Variants in ZSCAN1 observed in about 807,000 individuals in gnomAD.
ZSCAN1 encodes zinc finger and SCAN domain containing 1, also known as zinc finger and SCAN domain-containing protein 1.
A neutral mutation model predicts 23.8 loss-of-function variants in ZSCAN1; 23 were observed. The ratio of observed to expected loss-of-function variants is 0.97; its 90% CI spans 0.70 to 1.37. The LOEUF (loss-of-function observed/expected upper bound fraction) is 1.37. Among genes scored for constraint, ZSCAN1 ranks in the 40% most tolerant of loss-of-function variants. The pLI is 0.00. For missense variants in ZSCAN1, 575 were observed against 554.0 expected, an observed-to-expected ratio of 1.04 and a Z score of -0.38; for synonymous variants, 236 against 232.3, an observed-to-expected ratio of 1.02 and a Z score of -0.15.
chr19:58,041,920 C>A (rs1422857871), intron 4 of ZSCAN1, among the ~76,000 whole-genome samples: 1 of 152,080 alleles, frequency 6.6e-6, no homozygotes. Flanking sequence ...CATGTAATCC[C>A]AGCACTTTGG....
At chr19:58,050,563 C>T (rs1394896622) in intron 4 of ZSCAN1, among the ~76,000 whole-genome samples, 2 of 152,004 alleles carry the variant, frequency 1.3e-5, no homozygotes, top group Admixed American at 1.3e-4. Context: ...GCTCTGTCGC[C>T]AGGCTGCAGT....
intron 4 of ZSCAN1, among the ~76,000 whole-genome samples, chr19:58,042,200 G>C (rs1003045301): frequency 1.3e-5 from 2 of 150,680 alleles, no homozygotes; most frequent in African/African-American, 4.8e-5. Context: ...GCTTCTAAGA[G>C]AAGTTACTAT....
Position 58,040,353 on chromosome 19 carries a change from G to A in ZSCAN1, c.371-97G>A. The A allele has an allele frequency of 7.8e-7, 1 of 1,289,242 alleles. No individual in the cohort carries two copies. The highest frequency in any genetic ancestry group is 1.3e-5 in the South Asian group (1 of 79,928). The allele number at this position is 1,289,242 out of a possible 1,614,324, so 79.9% of individuals were successfully genotyped here. On this transcript the variant is annotated intron_variant, in intron 3 of 5. Transcript: ENST00000282326. The surrounding 1 kb of genome is among the most constrained non-coding windows in gnomAD (Gnocchi z 5.8). ...TTGCCTGCGCCTCAGGGGTGCTGCA[G>A]GGATGTTCGGGGAAAGTCTGCCCTC...
intron 4 of ZSCAN1, chr19:58,046,621 C>T: frequency 1.2e-6 from 1 of 844,140 alleles, no homozygotes; most frequent in Non-Finnish European, 2.1e-6. Context: ...CAACGTCGAC[C>T]ACCTCATCAA....
intron 4 of ZSCAN1, among the ~76,000 whole-genome samples, chr19:58,041,059 G>A (rs577249478): frequency 2.2e-4 from 34 of 152,226 alleles, no homozygotes; most frequent in Admixed American, 2.2e-3. Flanking sequence ...GTGGGGACAC[G>A]CAGACACATG....
intron 4 of ZSCAN1, among the ~76,000 whole-genome samples, chr19:58,048,363 T>C (rs1482845739): frequency 1.3e-5 from 2 of 152,284 alleles, no homozygotes; most frequent in Non-Finnish European, 2.9e-5. Context: ...GTGTAAATGA[T>C]GTGGTTTGAG....
rs1207629543 is a variant in ZSCAN1 at position 58,037,978 on chromosome 19, G to A, written c.142G>A (p.Val48Met). The change falls in exon 3 of 6, where the codon GTG becomes ATG. Residue 48 changes from valine (V) to methionine (M), a missense_variant. Physicochemically the swap from Val to Met is conservative, Grantham distance 21. Coordinates refer to ENST00000282326, the MANE Select transcript of ZSCAN1 (RefSeq NM_182572.4). ...RLRFRQFQYH[V>M]ASGPHLALGQ... ...GCGCTTCCGGCAGTTCCAGTACCAC[G>A]TGGCGAGCGGGCCGCACCTCGCGCT... is the stretch of plus-strand genomic sequence containing the variant. 5 of 1,607,158 alleles carry A rather than the reference G, an allele frequency of 3.1e-6. No homozygotes were observed. In the South Asian group the frequency reaches 3.3e-5, roughly 11 times the overall value.
In ZSCAN1 at chr19:58,037,767, C is replaced by T; in HGVS notation, c.-70C>T. On this transcript the variant is annotated 5_prime_UTR_variant, in exon 3 of 6. Coordinates refer to ENST00000282326, the MANE Select transcript of ZSCAN1 (RefSeq NM_182572.4). ...ATTCTGTCCGCCTGCCACACCGGCTCTGTCCGGAGCCACTGGGACTCGGGA... is the reference window on the plus strand; with the variant it reads ...ATTCTGTCCGCCTGCCACACCGGCTTTGTCCGGAGCCACTGGGACTCGGGA... 1 of 1,428,606 alleles carries T rather than the reference C, an allele frequency of 7.0e-7. No individual in the cohort carries two copies. The highest frequency in any genetic ancestry group is 2.6e-4 in the Middle Eastern group (1 of 3,876). 88.5% of individuals were successfully genotyped at this position (1,428,606 alleles called of 1,614,324 possible).
At chr19:58,038,306 C>T in intron 3 of ZSCAN1, 100 bp downstream of exon 3, 3 of 1,447,716 alleles carry the variant, frequency 2.1e-6, no homozygotes, top group Non-Finnish European at 1.8e-6. Flanking sequence ...CCCACCCCTG[C>T]CCGGCCCCTC....
intron 2 of ZSCAN1, among the ~76,000 whole-genome samples, chr19:58,037,485 T>A (rs1315922523): frequency 2.7e-4 from 2 of 7,274 alleles, no homozygotes; most frequent in Non-Finnish European, 5.1e-4. Context: ...GGAGCTGGGG[T>A]GGGAAGGGGA....
At position 58,054,123 on chromosome 19, in the gene ZSCAN1, G is replaced by A. The variant is rs559377872; in HGVS notation, c.*72G>A. ...GAGCTGATGGGCCCCAGAAGATGGG[G>A]GACATCCCCCAGCCCCACCAACCCC... On this transcript the variant is annotated 3_prime_UTR_variant, in exon 6 of 6. Transcript: ENST00000282326. This position sits in a 1 kb window ranked among gnomAD's most constrained non-coding sequence, Gnocchi z 4.2. 10 of 1,431,664 alleles carry A rather than the reference G, an allele frequency of 7.0e-6. No homozygotes were observed. In the African/African-American group the frequency reaches 1.1e-4, roughly 16 times the overall value. 88.7% of individuals were successfully genotyped at this position (1,431,664 alleles called of 1,614,324 possible).
intron 2 of ZSCAN1, among the ~76,000 whole-genome samples, chr19:58,037,312 C>T (rs1599898628): frequency 6.6e-6 from 1 of 152,124 alleles, no homozygotes; most frequent in Non-Finnish European, 1.5e-5. Context: ...GGCCACACCA[C>T]GGGGCAGGCA....
chr19:58,034,635 C>A (rs2073720719), intron 1 of ZSCAN1, among the ~76,000 whole-genome samples: 1 of 148,084 alleles, frequency 6.8e-6, no homozygotes, highest in Non-Finnish European at 1.5e-5. Flanking sequence ...TTGGGCCCAT[C>A]CCCCACTGGA....
intron 4 of ZSCAN1, chr19:58,044,900 C>A: frequency 1.2e-6 from 1 of 820,832 alleles, no homozygotes. Flanking sequence ...TGCCTTCCTG[C>A]CCGCGGCTGG....
chr19:58,047,502 G>A lies in ZSCAN1; in HGVS notation c.466-4988G>A, dbSNP rs141912389. ...AAGAGCCATCTCTGACCCAAGCCAC[G>A]CAACTCTGACGTAGCCCTAGCCATG... On this transcript the variant is annotated intron_variant, in intron 4 of 5. Transcript: ENST00000282326. This position sits in a 1 kb window ranked among gnomAD's most constrained non-coding sequence, Gnocchi z 4.9. Among the ~76,000 whole-genome samples, 1,384 of 152,328 alleles carry A rather than the reference G, an allele frequency of 9.1e-3. 23 individuals are homozygous for A. Among genetic ancestry groups the A allele is most frequent in the African/African-American group, 0.03 (1,239 of 41,586 alleles).
Position 58,037,804 on chromosome 19 carries a change from C to G in ZSCAN1, c.-33C>G. The G allele has an allele frequency of 6.9e-7, 1 of 1,442,276 alleles. No individual in the cohort carries two copies. The highest frequency in any genetic ancestry group is 9.1e-7 in the Non-Finnish European group (1 of 1,101,022). The allele number at this position is 1,442,276 out of a possible 1,614,324, so 89.3% of individuals were successfully genotyped here. A position where few individuals can be genotyped will look rare whatever the true frequency, so the allele number is the denominator to read the frequency against. On this transcript the variant is annotated 5_prime_UTR_variant, in exon 3 of 6. Transcript: ENST00000282326. ...ACTGGGACTCGGGATCCAGTCCACA[C>G]ACACCCCTCAGAGGGGCACTGTGGC...
chr19:58,046,411 G>A lies in ZSCAN1; in HGVS notation c.465+5867G>A, dbSNP rs1050333126. ...GACAAAAAGGGTGCAGCAGATAATC[G>A]GGCAGATCAACGGCTTGATCTCGCA... On this transcript the variant is annotated intron_variant, in intron 4 of 5. Transcript: ENST00000282326. 70 of 876,220 alleles carry A rather than the reference G, an allele frequency of 8.0e-5. No individual in the cohort carries two copies. The Middle Eastern group carries it at 1.3e-3, about 16-fold the overall frequency. The allele number at this position is 876,220 out of a possible 1,614,324, so 54.3% of individuals were successfully genotyped here.
At chr19:58,042,971 TAGGCCTG>T (rs1205701359) in intron 4 of ZSCAN1, among the ~76,000 whole-genome samples, 1 of 152,244 alleles carries the variant, frequency 6.6e-6, no homozygotes, top group Admixed American at 6.5e-5. Context: ...GGAGAGGCCT[TAGGCCTG>T]AGGCCTGGCG....
At chr19:58,034,722 G>T (rs921449940) in intron 1 of ZSCAN1, among the ~76,000 whole-genome samples, 1 of 75,272 alleles carries the variant, frequency 1.3e-5, no homozygotes, top group African/African-American at 5.2e-5. Flanking sequence ...CTGAACAGCC[G>T]CCCCCGACCC....
Sources: gnomAD v4.1 joint callset for allele counts (sites outside exome capture counted in the v4.1 genomes callset) on GRCh38, gnomAD v4.1.1 for gene constraint, Gnocchi (gnomAD v3.1) non-coding constraint, MANE v1.5 for transcripts, NCBI Gene and HGNC (gene_info 2026-07-23, HGNC 2026-07-21) for gene names.